UBXN7: variants seen among roughly 807,000 people sequenced by gnomAD.
UBXN7 encodes UBX domain-containing protein 7.
UBXN7 carries 9 observed loss-of-function variants against 58.0 expected under a neutral mutation model. The observed-to-expected ratio is 0.16, with a 90% CI of 0.09 to 0.27. The LOEUF (loss-of-function observed/expected upper bound fraction) is 0.27, where lower values mean the gene tolerates loss of function less well. Among genes scored for constraint, UBXN7 ranks in the 10% least tolerant of loss-of-function variants. The pLI is 1.00. For synonymous variants in UBXN7, 208 were observed against 205.0 expected, an observed-to-expected ratio of 1.01 and a Z score of -0.12; for missense variants, 328 against 599.6, an observed-to-expected ratio of 0.55 and a Z score of 4.73.
chr3:196,381,454 G>A (rs1729202812), intron 5 of UBXN7, among the ~76,000 whole-genome samples: 1 of 151,866 alleles, frequency 6.6e-6, no homozygotes, highest in South Asian at 2.1e-4. Context: ...TCAACAAAAA[G>A]GTCATCTACA....
At chr3:196,369,612 CCGGCCT>C (rs1728763049) in intron 6 of UBXN7, 101 bp from the exon 7 acceptor site, 2 of 795,718 alleles carry the variant, frequency 2.5e-6, no homozygotes, top group Admixed American at 5.1e-5. Context: ...AAATATACCT[CCGGCCT>C]ATGTATTAAG....
intron 6 of UBXN7, among the ~76,000 whole-genome samples, chr3:196,370,114 G>C (rs529578903): frequency 7.5e-6 from 1 of 132,680 alleles, no homozygotes; most frequent in South Asian, 2.4e-4. Flanking sequence ...CAGCGACAAT[G>C]CAAGACTTGT....
intron 3 of UBXN7, among the ~76,000 whole-genome samples, chr3:196,397,170 A>C (rs114519215): frequency 6.6e-4 from 101 of 152,312 alleles, no homozygotes; most frequent in African/African-American, 2.4e-3. Flanking sequence ...AGGAAACATC[A>C]GTCCTCTGTC....
At chr3:196,368,007 C>T in intron 8 of UBXN7, 21 bp downstream of exon 8, 2 of 1,605,298 alleles carry the variant, frequency 1.2e-6, no homozygotes, top group Non-Finnish European at 1.7e-6. Context: ...TTTCCCATCA[C>T]CACCTCCTAA....
intron 6 of UBXN7, among the ~76,000 whole-genome samples, chr3:196,371,606 C>T (rs1015600208): frequency 2.6e-5 from 4 of 152,176 alleles, no homozygotes; most frequent in South Asian, 2.1e-4. Context: ...CTCAGCCTCC[C>T]GAGTAGCTGG....
intron 5 of UBXN7, among the ~76,000 whole-genome samples, chr3:196,389,785 C>G (rs1378538129): frequency 6.6e-6 from 1 of 152,142 alleles, no homozygotes; most frequent in African/African-American, 2.4e-5. Flanking sequence ...TCTAGCAATG[C>G]AAGCAAACTA....
intron 1 of UBXN7, among the ~76,000 whole-genome samples, chr3:196,425,478 G>A (rs1356088206): frequency 6.6e-6 from 1 of 151,832 alleles, no homozygotes; most frequent in African/African-American, 2.4e-5. Context: ...ATGTTGCCTA[G>A]GCTGATCTCA....
chr3:196,425,118 C>T (rs1367195405), intron 1 of UBXN7, among the ~76,000 whole-genome samples: 1 of 152,200 alleles, frequency 6.6e-6, no homozygotes, highest in African/African-American at 2.4e-5. Context: ...AGCACCTTAA[C>T]TTATCCAAAA....
At chr3:196,394,888 A>G (rs1326321409) in intron 3 of UBXN7, among the ~76,000 whole-genome samples, 2 of 152,226 alleles carry the variant, frequency 1.3e-5, no homozygotes, top group Non-Finnish European at 2.9e-5. Context: ...ACAGAAAAGT[A>G]AACAGATCCA....
rs1327014621 is a variant in UBXN7, at chr3:196,355,418, T to C, written c.*1267A>G. 6.6e-6 allele frequency: 1 copy of C among 152,208 alleles called. No homozygotes were observed. The highest frequency in any genetic ancestry group is 2.4e-5 in the African/African-American group (1 of 41,450). 9.4% of individuals were successfully genotyped at this position (152,208 alleles called of 1,614,324 possible). On this transcript the variant is annotated 3_prime_UTR_variant, in exon 11 of 11. Coordinates refer to ENST00000296328, the MANE Select transcript of UBXN7 (RefSeq NM_015562.2). ...AAGCTTTCACCAACTCTAATTTGAT[T>C]TTGGGTTTTGTTGGCAGAAAAAGCC...
intron 5 of UBXN7, among the ~76,000 whole-genome samples, chr3:196,378,429 A>AT (rs906246062): frequency 5.9e-5 from 9 of 151,416 alleles, no homozygotes; most frequent in African/African-American, 1.5e-4. Flanking sequence ...CATGCTGTTT[A>AT]TTTTTTTTTA....
At chr3:196,383,693 A>G (rs996649879) in intron 5 of UBXN7, among the ~76,000 whole-genome samples, 1 of 152,236 alleles carries the variant, frequency 6.6e-6, no homozygotes, top group Non-Finnish European at 1.5e-5. Context: ...CTGCTCCTGA[A>G]TGACTACTGG....
chr3:196,391,627 G>A (rs1043546480), intron 5 of UBXN7, among the ~76,000 whole-genome samples, 186 bp downstream of exon 5: 17 of 151,944 alleles, frequency 1.1e-4, no homozygotes, highest in African/African-American at 4.1e-4. Context: ...CTAGCTACTC[G>A]GGAAGCTGAG....
At chr3:196,398,097 G>A (rs896161881) in intron 3 of UBXN7, among the ~76,000 whole-genome samples, 1 of 152,148 alleles carries the variant, frequency 6.6e-6, no homozygotes, top group African/African-American at 2.4e-5. Context: ...AGTGGCTTCC[G>A]TTTTGGGCTG....
chr3:196,357,914 T>C (rs1410543920), intron 10 of UBXN7, among the ~76,000 whole-genome samples: 2 of 151,286 alleles, frequency 1.3e-5, no homozygotes, highest in South Asian at 4.2e-4. Context: ...GTGCCTGTAG[T>C]CCCAGCTACC....
intron 2 of UBXN7, among the ~76,000 whole-genome samples, chr3:196,404,409 C>G (rs1299688897): frequency 6.6e-6 from 1 of 151,944 alleles, no homozygotes; most frequent in Non-Finnish European, 1.5e-5. Context: ...ACTACAGGCG[C>G]ACGCCACCAC....
chr3:196,428,769 G>A (rs113255647), intron 1 of UBXN7, among the ~76,000 whole-genome samples: 1,513 of 149,692 alleles, frequency 0.01, 35 homozygotes, highest in African/African-American at 0.035. Context: ...GCAGTGAGCC[G>A]TGATCACACC....
intron 5 of UBXN7, 51 bp downstream of exon 5, chr3:196,391,762 T>A (rs759124145): frequency 7.0e-7 from 1 of 1,427,120 alleles, no homozygotes; most frequent in Admixed American, 2.1e-5. Context: ...AAAAAGGCAT[T>A]GAAAATGCAA....
intron 5 of UBXN7, among the ~76,000 whole-genome samples, chr3:196,374,454 C>T (rs571276947): frequency 6.6e-6 from 1 of 151,944 alleles, no homozygotes; most frequent in East Asian, 1.9e-4. Context: ...GGGGAGAAAC[C>T]TAATACTAGC....
Sources: gnomAD v4.1 joint callset for allele counts (sites outside exome capture counted in the v4.1 genomes callset) on GRCh38, gnomAD v4.1.1 for gene constraint, MANE v1.5 for transcripts, NCBI Gene and HGNC (gene_info 2026-07-23, HGNC 2026-07-21) for gene names.